IL20: variants seen among roughly 807,000 people sequenced by gnomAD.
IL20 encodes the protein interleukin 20.
Under a neutral mutation model 19.2 loss-of-function variants are expected in IL20, and 22 were observed. The observed-to-expected ratio is 1.15, with a 90% CI of 0.82 to 1.64. The LOEUF (loss-of-function observed/expected upper bound fraction) is 1.64, where lower values mean the gene tolerates loss of function less well. IL20 is among the 40% of genes most tolerant of loss of function. The pLI is 0.00. For missense variants in IL20, 215 were observed against 212.8 expected (o/e 1.01, Z -0.06); for synonymous variants, 70 against 76.2 (o/e 0.92, Z 0.43).
chr1:206,865,754 C>T lies in IL20; in HGVS notation c.-31+68C>T. 1 of 1,525,804 alleles carries T rather than the reference C, an allele frequency of 6.6e-7. No individual in the cohort carries two copies. The highest frequency in any genetic ancestry group is 8.8e-7 in the Non-Finnish European group (1 of 1,132,264). The allele number at this position is 1,525,804 out of a possible 1,614,324, so 94.5% of individuals were successfully genotyped here. On this transcript the variant is annotated intron_variant, in intron 1 of 5. Transcript: ENST00000367098. The surrounding 1 kb of genome is among the most constrained non-coding windows in gnomAD (Gnocchi z 4.1). ...GCTGTTCTCTTCCCCTGACCCCCCA[C>T]CCCTCACCCCGTGGACACTTGGAGG...
At position 206,869,199 on chromosome 1, in the gene IL20, CAA is replaced by C. The variant is rs1677644648; in HGVS notation, c.*637_*638del. On this transcript the variant is annotated 3_prime_UTR_variant, in exon 6 of 6. Coordinates refer to ENST00000367098, the MANE Select transcript of IL20 (RefSeq NM_018724.4). ...CCTACACGGCCAGCATGTATTTCTA[CAA>C]ATAAAGTTTTCTTTGCATAACATCT... 6.6e-6 allele frequency: 1 copy of C among 152,278 alleles called. No homozygotes were observed. The highest frequency in any genetic ancestry group is 1.5e-5 in the Non-Finnish European group (1 of 68,020). 9.4% of individuals were successfully genotyped at this position (152,278 alleles called of 1,614,324 possible). A position where few individuals can be genotyped will look rare whatever the true frequency, so the allele number is the denominator to read the frequency against.
At chr1:206,867,239 C>A in intron 4 of IL20, 145 bp from the exon 5 acceptor site, 1 of 624,044 alleles carries the variant, frequency 1.6e-6, no homozygotes, top group South Asian at 2.2e-5. Flanking sequence ...TTAGTGATTC[C>A]AAATGTGAGG....
At chr1:206,867,989 C>T (rs1677607177) in intron 5 of IL20, among the ~76,000 whole-genome samples, 1 of 152,108 alleles carries the variant, frequency 6.6e-6, no homozygotes. Context: ...AATTTCATCC[C>T]TTTATTCACC....
At chr1:206,867,309 T>C in intron 4 of IL20, 75 bp from the exon 5 acceptor site, 1 of 1,297,272 alleles carries the variant, frequency 7.7e-7, no homozygotes. Context: ...AAGAGTAGAG[T>C]TTCTGCCTGC....
chr1:206,867,372 G>A lies in IL20; in HGVS notation c.379-12G>A, dbSNP rs1207697350. On this transcript the variant is annotated splice_polypyrimidine_tract_variant and intron_variant, in intron 4 of 5. Transcript: ENST00000367098. Reference sequence around the variant, plus strand: ...CTGTAATATAATCTATTATTCTTTGGGTCCTTTTCAGCATGCCCACATGAC... The same window carrying A: ...CTGTAATATAATCTATTATTCTTTGAGTCCTTTTCAGCATGCCCACATGAC... 3 of 1,611,138 alleles carry A rather than the reference G, an allele frequency of 1.9e-6. No individual in the cohort carries two copies. Among genetic ancestry groups the A allele is most frequent in the Non-Finnish European group, 1.7e-6 (2 of 1,177,724 alleles).
upstream of IL20, among the ~76,000 whole-genome samples, chr1:206,863,694 G>C (rs1677475513): frequency 6.6e-6 from 1 of 152,130 alleles, no homozygotes; most frequent in Admixed American, 6.5e-5. Context: ...GTATGTTCAA[G>C]GTCACATCTA....
chr1:206,865,751 C>A lies in IL20; in HGVS notation c.-31+65C>A. 2 of 1,523,384 alleles carry A rather than the reference C, an allele frequency of 1.3e-6. No individual in the cohort carries two copies. Among genetic ancestry groups the A allele is most frequent in the Non-Finnish European group, 1.8e-6 (2 of 1,132,858 alleles). 94.4% of individuals were successfully genotyped at this position (1,523,384 alleles called of 1,614,324 possible). A position where few individuals can be genotyped will look rare whatever the true frequency, so the allele number is the denominator to read the frequency against. On this transcript the variant is annotated intron_variant, in intron 1 of 5. Coordinates refer to ENST00000367098, the MANE Select transcript of IL20 (RefSeq NM_018724.4). The surrounding 1 kb of genome is among the most constrained non-coding windows in gnomAD (Gnocchi z 4.1). ...AAGGCTGTTCTCTTCCCCTGACCCC[C>A]CACCCCTCACCCCGTGGACACTTGG...
At chr1:206,865,178 T>C (rs1177570092), upstream of IL20, among the ~76,000 whole-genome samples, 1 of 152,264 alleles carries the variant, frequency 6.6e-6, no homozygotes, top group Non-Finnish European at 1.5e-5. The surrounding 1 kb of genome is among the most constrained non-coding windows in gnomAD (Gnocchi z 4.1). Flanking sequence ...ACGTCTTGCC[T>C]TTCCCTGGCA....
At position 206,868,650 on chromosome 1, in the gene IL20, C is replaced by A; in HGVS notation, c.*86C>A. 4 of 895,148 alleles carry A rather than the reference C, an allele frequency of 4.5e-6. No individual in the cohort carries two copies. The highest frequency in any genetic ancestry group is 6.7e-6 in the Non-Finnish European group (4 of 601,172). 55.5% of individuals were successfully genotyped at this position (895,148 alleles called of 1,614,324 possible). A position where few individuals can be genotyped will look rare whatever the true frequency, so the allele number is the denominator to read the frequency against. On this transcript the variant is annotated 3_prime_UTR_variant, in exon 6 of 6. Coordinates refer to ENST00000367098, the MANE Select transcript of IL20 (RefSeq NM_018724.4). The stretch of plus-strand genomic sequence containing the variant: ...GCAGAGGAGGCATGACCCCAAACCA[C>A]CATCTCTTTACTGTACTAGTCTTGT...
chr1:206,865,750 C>T lies in IL20; in HGVS notation c.-31+64C>T. On this transcript the variant is annotated intron_variant, in intron 1 of 5. Coordinates refer to ENST00000367098, the MANE Select transcript of IL20 (RefSeq NM_018724.4). This position sits in a 1 kb window ranked among gnomAD's most constrained non-coding sequence, Gnocchi z 4.1. ...TAAGGCTGTTCTCTTCCCCTGACCC[C>T]CCACCCCTCACCCCGTGGACACTTG... 1 of 1,523,246 alleles carries T rather than the reference C, an allele frequency of 6.6e-7. No individual in the cohort carries two copies. The highest frequency in any genetic ancestry group is 2.3e-5 in the East Asian group (1 of 43,922). The allele number at this position is 1,523,246 out of a possible 1,614,324, so 94.4% of individuals were successfully genotyped here.
At position 206,868,562 on chromosome 1, in the gene IL20, T is replaced by A. The variant is rs780743825; in HGVS notation, c.529T>A (p.Ter177LysextTer25). Residue 177 changes from the stop codon to lysine, a stop_lost, in exon 6 of 6, where the codon TAG becomes AAG. Coordinates refer to ENST00000367098, the MANE Select transcript of IL20 (RefSeq NM_018724.4). Reference sequence around the variant, plus strand: ...TCTGCAATGGATGGAGGAGACAGAATAGGAGGAAAGTGATGCTGCTGCTAA... The same window carrying A: ...TCTGCAATGGATGGAGGAGACAGAAAAGGAGGAAAGTGATGCTGCTGCTAA... ...ILLQWMEETE[*>K] 6.2e-7 allele frequency: 1 copy of A among 1,600,728 alleles called. No individual in the cohort carries two copies. Among genetic ancestry groups the A allele is most frequent in the South Asian group, 1.1e-5 (1 of 88,624 alleles).
upstream of IL20, among the ~76,000 whole-genome samples, chr1:206,863,679 C>T (rs1011047401): frequency 1.3e-5 from 2 of 152,182 alleles, no homozygotes. Flanking sequence ...TAATCATTTA[C>T]CCAGGTATGT....
chr1:206,868,136 C>T (rs577495907), intron 5 of IL20, among the ~76,000 whole-genome samples: 10 of 151,622 alleles, frequency 6.6e-5, no homozygotes, highest in Admixed American at 3.3e-4. Flanking sequence ...ATGTGTGCAC[C>T]GTAGGCAACC....
In IL20 at chr1:206,868,571, A is replaced by G; in HGVS notation, c.*7A>G. The stretch of plus-strand genomic sequence containing the variant: ...GATGGAGGAGACAGAATAGGAGGAA[A>G]GTGATGCTGCTGCTAAGAATATTCG... On this transcript the variant is annotated 3_prime_UTR_variant, in exon 6 of 6. Transcript: ENST00000367098. 6.3e-7 allele frequency: 1 copy of G among 1,592,652 alleles called. No homozygotes were observed. The highest frequency in any genetic ancestry group is 8.6e-7 in the Non-Finnish European group (1 of 1,169,092).
At chr1:206,866,697 C>T (rs2102505483) in intron 4 of IL20, 61 bp downstream of exon 4, 1 of 1,488,434 alleles carries the variant, frequency 6.7e-7, no homozygotes, top group South Asian at 1.2e-5. Context: ...GGCTTAGCAA[C>T]TAAACTCTCT....
Position 206,867,390 on chromosome 1 carries a change from C to T in IL20, c.385C>T (p.His129Tyr). The T allele has an allele frequency of 6.2e-7, 1 of 1,613,338 alleles. No homozygotes were observed. The highest frequency in any genetic ancestry group is 1.1e-5 in the South Asian group (1 of 91,050). The change falls in exon 5 of 6, where the codon CAC (histidine) becomes TAC (tyrosine). Residue 129 changes from histidine (H) to tyrosine (Y), a missense_variant. His to Tyr is a moderately conservative substitution (Grantham distance 83, BLOSUM62 2). Transcript: ENST00000367098. ...IKKDLRLCHAHMTCHCGEEAM... is the reference protein window; with the variant it reads ...IKKDLRLCHAYMTCHCGEEAM... ...TTCTTTGGGTCCTTTTCAGCATGCC[C>T]ACATGACATGCCATTGTGGGGAGGA...
upstream of IL20, among the ~76,000 whole-genome samples, chr1:206,863,750 T>C (rs1677477268): frequency 1.3e-5 from 2 of 152,102 alleles, no homozygotes; most frequent in African/African-American, 4.8e-5. Flanking sequence ...GGACAAATAA[T>C]CATCATGTTT....
At chr1:206,865,370 C>A, upstream of IL20, 1 of 382,850 alleles carries the variant, frequency 2.6e-6, no homozygotes, top group Non-Finnish European at 3.6e-6. The surrounding 1 kb of genome is among the most constrained non-coding windows in gnomAD (Gnocchi z 4.1). Context: ...GCAGCCACAG[C>A]TTCTGTGAGA....
At position 206,868,569 on chromosome 1, in the gene IL20, A is replaced by C. The variant is rs563992319; in HGVS notation, c.*5A>C. 3.1e-6 allele frequency: 5 copies of C among 1,594,088 alleles called. No individual in the cohort carries two copies. In the African/African-American group the frequency reaches 4.0e-5, roughly 13 times the overall value. ...TGGATGGAGGAGACAGAATAGGAGGAAAGTGATGCTGCTGCTAAGAATATT... is the reference window on the plus strand; with the variant it reads ...TGGATGGAGGAGACAGAATAGGAGGCAAGTGATGCTGCTGCTAAGAATATT... On this transcript the variant is annotated 3_prime_UTR_variant, in exon 6 of 6. Coordinates refer to ENST00000367098, the MANE Select transcript of IL20 (RefSeq NM_018724.4).
Sources: gnomAD v4.1 joint callset for allele counts (sites outside exome capture counted in the v4.1 genomes callset) on GRCh38, gnomAD v4.1.1 for gene constraint, Gnocchi (gnomAD v3.1) non-coding constraint, MANE v1.5 for transcripts, NCBI Gene and HGNC (gene_info 2026-07-23, HGNC 2026-07-21) for gene names.